STK32B: variants seen among roughly 807,000 people sequenced by gnomAD.
STK32B encodes serine/threonine-protein kinase 32B.
A neutral mutation model predicts 52.6 loss-of-function variants in STK32B; 43 were observed. The observed-to-expected ratio is 0.82, with a 90% CI of 0.64 to 1.05. STK32B has a LOEUF of 1.05. Ranked by LOEUF, STK32B falls within the 50% of genes least tolerant of loss-of-function variation. The pLI is 0.00. For missense variants in STK32B, 621 were observed against 534.6 expected (o/e 1.16, Z -1.59); for synonymous variants, 238 against 204.3 (o/e 1.17, Z -1.41).
intron 3 of STK32B, among the ~76,000 whole-genome samples, chr4:5,186,071 G>A (rs1327420288): frequency 1.3e-5 from 2 of 152,076 alleles, no homozygotes; most frequent in Non-Finnish European, 1.5e-5. Flanking sequence ...TCATTAAGTC[G>A]CTATTCACTG....
chr4:5,374,783 G>T (rs113074536), intron 4 of STK32B, among the ~76,000 whole-genome samples: 1 of 150,574 alleles, frequency 6.6e-6, no homozygotes, highest in African/African-American at 2.5e-5. Flanking sequence ...CGGGGGCGGG[G>T]GGGGAACACC....
intron 3 of STK32B, among the ~76,000 whole-genome samples, chr4:5,249,961 T>G (rs1048772197): frequency 3.9e-5 from 6 of 152,174 alleles, no homozygotes; most frequent in Admixed American, 1.3e-4. Context: ...TTTGTATCCA[T>G]GTACACTCAA....
At chr4:5,384,383 T>G (rs1163337083) in intron 4 of STK32B, among the ~76,000 whole-genome samples, 1 of 151,510 alleles carries the variant, frequency 6.6e-6, no homozygotes, top group Non-Finnish European at 1.5e-5. Flanking sequence ...TAGTCAATGG[T>G]GACACCGAGA....
chr4:5,440,390 A>C (rs936987902), intron 6 of STK32B, among the ~76,000 whole-genome samples: 3 of 152,156 alleles, frequency 2.0e-5, no homozygotes, highest in Non-Finnish European at 4.4e-5. Context: ...TTCACTCATG[A>C]TTTGGCACTC....
At chr4:5,035,337 T>C in the STK32B span, among the ~76,000 whole-genome samples, 1 of 152,190 alleles carries the variant, frequency 6.6e-6, no homozygotes, top group South Asian at 2.1e-4. Context: ...CTTGAGTAAA[T>C]GATTAAGAAG....
chr4:5,227,459 C>T (rs114522583), intron 3 of STK32B, among the ~76,000 whole-genome samples: 37 of 152,202 alleles, frequency 2.4e-4, no homozygotes, highest in African/African-American at 3.6e-4. Flanking sequence ...TGAACTCATT[C>T]GGAAAATCTT....
At chr4:5,020,995 A>C in the STK32B span, among the ~76,000 whole-genome samples, 1 of 152,188 alleles carries the variant, frequency 6.6e-6, no homozygotes, top group African/African-American at 2.4e-5. Flanking sequence ...ATCCTGGGCA[A>C]GCTCCACATT....
At chr4:5,215,822 C>T (rs1723149762) in intron 3 of STK32B, among the ~76,000 whole-genome samples, 1 of 152,168 alleles carries the variant, frequency 6.6e-6, no homozygotes. Flanking sequence ...ACTCAGGACT[C>T]CCTTCTCCAG....
At chr4:5,318,471 GA>G (rs949790750) in intron 3 of STK32B, among the ~76,000 whole-genome samples, 1 of 150,884 alleles carries the variant, frequency 6.6e-6, no homozygotes, top group Non-Finnish European at 1.5e-5. Flanking sequence ...AATAGATTGA[GA>G]AAAAAAAAGT....
At chr4:5,158,407 C>A (rs1424794183) in intron 2 of STK32B, among the ~76,000 whole-genome samples, 5 of 152,148 alleles carry the variant, frequency 3.3e-5, no homozygotes, top group Non-Finnish European at 7.3e-5. Context: ...TTAAAGCACA[C>A]CATCACCTCT....
chr4:5,467,125 C>T lies in STK32B; in HGVS notation c.1041+291C>T, dbSNP rs533702564. 1.9e-4 allele frequency among the ~76,000 whole-genome samples: 24 copies of T among 124,542 alleles called. No homozygotes were observed. The South Asian group carries it at 3.7e-3, about 19-fold the overall frequency. The allele number at this position is 124,542 out of a possible 152,430, so 81.7% of individuals were successfully genotyped here. On this transcript the variant is annotated intron_variant, in intron 10 of 11. Transcript: ENST00000282908. The surrounding 1 kb of genome is among the most constrained non-coding windows in gnomAD (Gnocchi z 5.8). ...TGCGCCCTTGAGAAAGATTTTGTACCGCAGAGGCCCCCAGGGCTGCACGAT... is the reference window on the plus strand; with the variant it reads ...TGCGCCCTTGAGAAAGATTTTGTACTGCAGAGGCCCCCAGGGCTGCACGAT...
intron 6 of STK32B, among the ~76,000 whole-genome samples, chr4:5,425,632 A>T (rs185847804): frequency 5.3e-5 from 8 of 152,242 alleles, no homozygotes; most frequent in African/African-American, 1.9e-4. Flanking sequence ...ACTGATAAAT[A>T]TGGAGTTTGA....
chr4:5,128,758 A>G (rs1260987213), intron 1 of STK32B, among the ~76,000 whole-genome samples: 1 of 152,212 alleles, frequency 6.6e-6, no homozygotes, highest in Admixed American at 6.5e-5. Context: ...GCCAGCCAGA[A>G]TGGATACTGG....
In STK32B at chr4:5,465,065, C is replaced by T. The variant is rs559040069; in HGVS notation, c.910-1638C>T. On this transcript the variant is annotated intron_variant, in intron 9 of 11. Coordinates refer to ENST00000282908, the MANE Select transcript of STK32B (RefSeq NM_018401.3). ...AGGGGAAGGGAGAGGCCATTGGTAC[C>T]GCGAACCCAAGGAGGGTCCACAGCA... 4.6e-5 allele frequency among the ~76,000 whole-genome samples: 7 copies of T among 152,050 alleles called. No individual in the cohort carries two copies. In the South Asian group the frequency reaches 6.2e-4, roughly 14 times the overall value.
At chr4:5,330,851 T>C (rs1442278045) in intron 3 of STK32B, among the ~76,000 whole-genome samples, 1 of 152,112 alleles carries the variant, frequency 6.6e-6, no homozygotes, top group Non-Finnish European at 1.5e-5. Flanking sequence ...GGGGAGTGTG[T>C]CTTTGGAGGC....
At chr4:5,089,257 A>C (rs1480610141) in intron 1 of STK32B, among the ~76,000 whole-genome samples, 3 of 151,760 alleles carry the variant, frequency 2.0e-5, no homozygotes, top group Non-Finnish European at 4.4e-5. Context: ...CATGCAGAAC[A>C]TGCAGGTTTG....
intron 3 of STK32B, among the ~76,000 whole-genome samples, chr4:5,268,921 A>T (rs1727231995): frequency 6.6e-6 from 1 of 152,150 alleles, no homozygotes; most frequent in Non-Finnish European, 1.5e-5. Flanking sequence ...GAGGACAGTG[A>T]TCCCTGAGGG....
At chr4:5,458,412 G>A (rs1004351731) in intron 8 of STK32B, among the ~76,000 whole-genome samples, 3 of 152,144 alleles carry the variant, frequency 2.0e-5, no homozygotes, top group Non-Finnish European at 2.9e-5. Context: ...CTCCTCCCAA[G>A]CCCTGTGAGC....
Position 5,402,010 on chromosome 4 carries a change from C to G in STK32B, c.472+3766C>G, listed in dbSNP as rs879821. On this transcript the variant is annotated intron_variant, in intron 5 of 11. Transcript: ENST00000282908. Reference sequence around the variant, plus strand: ...TCCCCTCTGGCCTTGGCTGGCTGGCCGGGTGACTCAGCCCTGCTCCTTGAG... The same window carrying G: ...TCCCCTCTGGCCTTGGCTGGCTGGCGGGGTGACTCAGCCCTGCTCCTTGAG... Among the ~76,000 whole-genome samples, 4 of 152,224 alleles carry G rather than the reference C, an allele frequency of 2.6e-5. No individual in the cohort carries two copies. The South Asian group carries it at 8.3e-4, about 32-fold the overall frequency.
Sources: gnomAD v4.1 joint callset for allele counts (sites outside exome capture counted in the v4.1 genomes callset) on GRCh38, gnomAD v4.1.1 for gene constraint, Gnocchi (gnomAD v3.1) non-coding constraint, MANE v1.5 for transcripts, NCBI Gene and HGNC (gene_info 2026-07-23, HGNC 2026-07-21) for gene names.